HPSE2: variants seen among roughly 807,000 people sequenced by gnomAD.
The protein encoded by HPSE2 is heparanase 2 (inactive).
HPSE2 carries 38 observed loss-of-function variants against 60.5 expected under a neutral mutation model. That is an observed-to-expected ratio of 0.63 (90% CI 0.48 to 0.82). The LOEUF (loss-of-function observed/expected upper bound fraction) is 0.82. Among genes scored for constraint, HPSE2 ranks in the 40% least tolerant of loss-of-function variants. The pLI is 0.00. For synonymous variants in HPSE2, 295 were observed against 293.2 expected, an observed-to-expected ratio of 1.01 and a Z score of -0.06; for missense variants, 713 against 740.4, an observed-to-expected ratio of 0.96 and a Z score of 0.43.
chr10:99,199,961 T>A (rs1017627390), intron 2 of HPSE2, among the ~76,000 whole-genome samples: 1 of 152,146 alleles, frequency 6.6e-6, no homozygotes, highest in African/African-American at 2.4e-5. Flanking sequence ...AACTCCTTCA[T>A]CAATGTTTTG....
Position 98,458,651 on chromosome 10 carries a change from T to G in HPSE2, c.*923A>C, listed in dbSNP as rs1256958852. The G allele has an allele frequency of 6.6e-6, 1 of 152,242 alleles. No individual in the cohort carries two copies. The highest frequency in any genetic ancestry group is 1.5e-5 in the Non-Finnish European group (1 of 68,058). The allele number at this position is 152,242 out of a possible 1,614,324, so 9.4% of individuals were successfully genotyped here. On this transcript the variant is annotated 3_prime_UTR_variant, in exon 12 of 12. Transcript: ENST00000370552. ...GGCTTACCCTATAGAGCCCCTAATA[T>G]TCTCTTAATTTTGGAGAGGTCTAAT...
At chr10:98,546,436 G>C (rs1187010416) in intron 9 of HPSE2, among the ~76,000 whole-genome samples, 143 of 148,688 alleles carry the variant, frequency 9.6e-4, no homozygotes, top group African/African-American at 3.0e-3. Flanking sequence ...AAACAGCATG[G>C]TACTGGTACC....
chr10:98,921,500 A>G (rs908095830), intron 3 of HPSE2, among the ~76,000 whole-genome samples: 2 of 152,218 alleles, frequency 1.3e-5, no homozygotes, highest in African/African-American at 4.8e-5. Context: ...AGGGATTACC[A>G]GAAGATTACG....
intron 9 of HPSE2, among the ~76,000 whole-genome samples, chr10:98,582,809 T>C (rs1944837441): frequency 6.6e-6 from 1 of 152,196 alleles, no homozygotes. Flanking sequence ...AATTAGTATG[T>C]CTACAGTAGT....
chr10:98,491,938 T>G (rs1196626149), intron 9 of HPSE2, among the ~76,000 whole-genome samples: 1 of 152,152 alleles, frequency 6.6e-6, no homozygotes, highest in Non-Finnish European at 1.5e-5. Context: ...TAATTTCTGA[T>G]TTTTACACTC....
chr10:98,819,344 TG>T (rs1219173782), intron 3 of HPSE2, among the ~76,000 whole-genome samples: 2 of 152,068 alleles, frequency 1.3e-5, no homozygotes, highest in Non-Finnish European at 2.9e-5. Context: ...AAAATGCAAA[TG>T]GTAGGAGTTT....
chr10:99,012,748 G>C (rs1197987440), intron 3 of HPSE2, among the ~76,000 whole-genome samples: 1 of 152,098 alleles, frequency 6.6e-6, no homozygotes, highest in African/African-American at 2.4e-5. Context: ...GGACCAAGAA[G>C]AGAATAACAC....
intron 5 of HPSE2, among the ~76,000 whole-genome samples, chr10:98,696,346 A>C (rs967123318): frequency 1.3e-5 from 2 of 151,112 alleles, no homozygotes; most frequent in Non-Finnish European, 2.9e-5. Context: ...TCCTGCACCA[A>C]CAACCAAGGT....
At chr10:98,798,683 A>T (rs1474972380) in intron 3 of HPSE2, among the ~76,000 whole-genome samples, 1 of 152,188 alleles carries the variant, frequency 6.6e-6, no homozygotes, top group Non-Finnish European at 1.5e-5. Flanking sequence ...GAGTTGTAAG[A>T]TAATATTTGC....
At chr10:99,023,132 G>A (rs563730590) in intron 3 of HPSE2, among the ~76,000 whole-genome samples, 1 of 152,190 alleles carries the variant, frequency 6.6e-6, no homozygotes, top group Admixed American at 6.5e-5. Context: ...TGAAGGGTGA[G>A]TCCTGGGCCA....
chr10:99,216,218 C>CA (rs1291910174), intron 2 of HPSE2, among the ~76,000 whole-genome samples: 1 of 102,356 alleles, frequency 9.8e-6, no homozygotes, highest in Non-Finnish European at 1.8e-5. Context: ...TTTTCTGAGA[C>CA]AGAGTTTCAC....
At chr10:99,100,988 G>A (rs888725867) in intron 3 of HPSE2, among the ~76,000 whole-genome samples, 1 of 152,070 alleles carries the variant, frequency 6.6e-6, no homozygotes, top group African/African-American at 2.4e-5. Context: ...CCTGAAGGAA[G>A]CACTAAACAT....
intron 3 of HPSE2, among the ~76,000 whole-genome samples, chr10:98,946,874 G>T (rs1002199204): frequency 6.6e-6 from 1 of 152,024 alleles, no homozygotes; most frequent in Non-Finnish European, 1.5e-5. Flanking sequence ...ACCATGTGAG[G>T]CTAATCATCT....
At chr10:98,574,655 G>T (rs1944592912) in intron 9 of HPSE2, among the ~76,000 whole-genome samples, 1 of 151,384 alleles carries the variant, frequency 6.6e-6, no homozygotes, top group African/African-American at 2.4e-5. Context: ...CTGAAGCAAA[G>T]CCCAGGGAGC....
chr10:99,234,431 G>A lies in HPSE2; in HGVS notation c.290+1082C>T, dbSNP rs959369108. Among the ~76,000 whole-genome samples the A allele has an allele frequency of 2.6e-5, 4 of 152,330 alleles. No homozygotes were observed. The South Asian group carries it at 8.3e-4, about 32-fold the overall frequency. ...AAGGACGCACAACGGACCTGGCCTC[G>A]GGGCAAAGTGGGACTGAGAGCGCTG... On this transcript the variant is annotated intron_variant, in intron 1 of 11. Transcript: ENST00000370552.
At chr10:98,634,163 C>T (rs1043959728) in intron 7 of HPSE2, among the ~76,000 whole-genome samples, 9 of 152,176 alleles carry the variant, frequency 5.9e-5, no homozygotes, top group Non-Finnish European at 1.0e-4. Context: ...ACAGCAAAGA[C>T]AGCACATATA....
intron 7 of HPSE2, among the ~76,000 whole-genome samples, chr10:98,634,487 G>A (rs756908252): frequency 8.6e-5 from 13 of 151,896 alleles, no homozygotes; most frequent in African/African-American, 3.1e-4. Context: ...ATTGTGCCTC[G>A]AGTTATTCTA....
chr10:99,147,948 AT>A (rs1589730540), intron 2 of HPSE2, among the ~76,000 whole-genome samples: 1 of 152,214 alleles, frequency 6.6e-6, no homozygotes, highest in East Asian at 1.9e-4. Flanking sequence ...TATACTGAAA[AT>A]TAATGATGTA....
At chr10:98,824,491 A>T (rs191329348) in intron 3 of HPSE2, among the ~76,000 whole-genome samples, 1 of 152,244 alleles carries the variant, frequency 6.6e-6, no homozygotes, top group Admixed American at 6.5e-5. Context: ...GTGTGTGCTA[A>T]TGTCTCTTAC....
Sources: gnomAD v4.1 joint callset for allele counts (sites outside exome capture counted in the v4.1 genomes callset) on GRCh38, gnomAD v4.1.1 for gene constraint, MANE v1.5 for transcripts, NCBI Gene and HGNC (gene_info 2026-07-23, HGNC 2026-07-21) for gene names.